Variants in SLC8B1 observed in about 807,000 individuals in gnomAD.
SLC8B1 encodes solute carrier family 8 member B1, also known as mitochondrial sodium/calcium exchanger protein.
SLC8B1 carries 52 observed loss-of-function variants against 63.4 expected under a neutral mutation model. The ratio of observed to expected loss-of-function variants is 0.82; its 90% CI spans 0.66 to 1.03. The LOEUF is 1.03. Among genes scored for constraint, SLC8B1 ranks in the 50% least tolerant of loss-of-function variants. The probability of loss-of-function intolerance (pLI) is 0.00; values close to 1 mark genes in which losing one functional copy is unlikely to be tolerated. For synonymous variants in SLC8B1, 336 were observed against 323.9 expected, an observed-to-expected ratio of 1.04 and a Z score of -0.40; for missense variants, 657 against 741.7, an observed-to-expected ratio of 0.89 and a Z score of 1.33.
intron 13 of SLC8B1, 34 bp downstream of exon 13, chr12:113,307,657 C>T: frequency 6.2e-7 from 1 of 1,601,978 alleles, no homozygotes; most frequent in African/African-American, 1.3e-5. Flanking sequence ...TGGCCGCACT[C>T]ACCCCCACTC....
chr12:113,301,755 A>G (rs1276805944), intron 15 of SLC8B1, among the ~76,000 whole-genome samples: 2 of 152,218 alleles, frequency 1.3e-5, no homozygotes, highest in East Asian at 3.8e-4. Flanking sequence ...ATAGTCTTGT[A>G]TGGTGGGTAC....
In SLC8B1 at chr12:113,304,214, G is replaced by C. The variant is rs1384244563; in HGVS notation, c.1557+107C>G. 6.2e-6 allele frequency: 6 copies of C among 973,422 alleles called. No individual in the cohort carries two copies. The South Asian group carries it at 8.2e-5, about 13-fold the overall frequency. The allele number at this position is 973,422 out of a possible 1,614,324, so 60.3% of individuals were successfully genotyped here. ...TAGCTCACTCAAAGTCATACAGCCA[G>C]GGACTTAAGTGATGGGACCCAGATC... On this transcript the variant is annotated intron_variant, in intron 15 of 15. Transcript: ENST00000680972.
intron 11 of SLC8B1, among the ~76,000 whole-genome samples, chr12:113,314,160 G>A (rs1183128346): frequency 1.3e-5 from 2 of 152,236 alleles, no homozygotes; most frequent in Admixed American, 1.3e-4. Context: ...TGAACCAGAC[G>A]GCCCTAGTGG....
chr12:113,327,203 C>T (rs896299749), intron 2 of SLC8B1, among the ~76,000 whole-genome samples: 6 of 152,120 alleles, frequency 3.9e-5, no homozygotes, highest in Non-Finnish European at 7.4e-5. Flanking sequence ...GGGAAGCAGG[C>T]GGGCTGCCAT....
At chr12:113,312,669 C>T (rs1408904703) in intron 11 of SLC8B1, among the ~76,000 whole-genome samples, 1 of 152,088 alleles carries the variant, frequency 6.6e-6, no homozygotes, top group Non-Finnish European at 1.5e-5. Context: ...CAGTCTTTCC[C>T]CAGGGTGGAC....
chr12:113,320,700 G>A lies in SLC8B1; in HGVS notation c.421-14C>T, dbSNP rs1422291556. ...GAAGGTGACGCCATGTGGGGAGCAT[G>A]TCAAGGCGGGCCAGGATCGCAGCTG... On this transcript the variant is annotated splice_polypyrimidine_tract_variant and intron_variant, in intron 5 of 15. Transcript: ENST00000680972. The surrounding 1 kb of genome is among the most constrained non-coding windows in gnomAD (Gnocchi z 5.3). 1 of 1,611,130 alleles carries A rather than the reference G, an allele frequency of 6.2e-7. No individual in the cohort carries two copies. Among genetic ancestry groups the A allele is most frequent in the Non-Finnish European group, 8.5e-7 (1 of 1,178,772 alleles).
At position 113,320,444 on chromosome 12, in the gene SLC8B1, G is replaced by C; in HGVS notation, c.581C>G (p.Pro194Arg). 3.1e-6 allele frequency: 5 copies of C among 1,614,174 alleles called. No homozygotes were observed. The highest frequency in any genetic ancestry group is 4.2e-6 in the Non-Finnish European group (5 of 1,180,024). The change falls in exon 7 of 16, where the codon CCC (proline) becomes CGC (arginine). Residue 194 changes from proline (P) to arginine (R), a missense_variant. By Grantham distance (103) the Pro-to-Arg change is moderately radical. Coordinates refer to ENST00000680972, the MANE Select transcript of SLC8B1 (RefSeq NM_001358345.2). The surrounding 1 kb of genome is among the most constrained non-coding windows in gnomAD (Gnocchi z 5.3). Reference protein sequence around the residue: ...VVAGGITILHPFMAASRPFFR... With the variant: ...VVAGGITILHRFMAASRPFFR... ...GAAGGGCCTGGAGGCAGCCATGAAG[G>C]GGTGTAGGATGGTAATGCCTCCGGC...
chr12:113,334,932 G>A lies in SLC8B1; in HGVS notation c.-572C>T, dbSNP rs1429986969. 1 of 152,268 alleles carries A rather than the reference G, an allele frequency of 6.6e-6. No individual in the cohort carries two copies. The highest frequency in any genetic ancestry group is 1.5e-5 in the Non-Finnish European group (1 of 68,070). 9.4% of individuals were successfully genotyped at this position (152,268 alleles called of 1,614,324 possible). On this transcript the variant is annotated 5_prime_UTR_variant, in exon 1 of 16. Coordinates refer to ENST00000680972, the MANE Select transcript of SLC8B1 (RefSeq NM_001358345.2). ...TCCGTTTCCCGTCCGGACGGAGGCT[G>A]AGAAGTCGAACTCGGGGCGCCCGGG...
chr12:113,300,305 C>T (rs1956565365), intron 15 of SLC8B1, among the ~76,000 whole-genome samples: 1 of 152,082 alleles, frequency 6.6e-6, no homozygotes. Context: ...TTCGAGACCA[C>T]TGGCCAATAC....
At chr12:113,308,554 TC>T (rs1377017886) in intron 12 of SLC8B1, 1 of 151,078 alleles carries the variant, frequency 6.6e-6, no homozygotes, top group Non-Finnish European at 1.5e-5. Context: ...ACTACTCTGC[TC>T]TCTGTCTCTC....
chr12:113,304,037 C>T (rs555087950), intron 15 of SLC8B1, among the ~76,000 whole-genome samples: 2 of 152,268 alleles, frequency 1.3e-5, no homozygotes, highest in East Asian at 3.9e-4. Flanking sequence ...TGCACCACCA[C>T]ACCTGACTAA....
intron 12 of SLC8B1, 31 bp from the exon 13 acceptor site, chr12:113,307,875 A>C: frequency 1.2e-6 from 2 of 1,604,242 alleles, no homozygotes; most frequent in Non-Finnish European, 8.5e-7. Context: ...TGTGGGACCA[A>C]GGCCAGCCCC....
chr12:113,320,744 G>C lies in SLC8B1; in HGVS notation c.421-58C>G. On this transcript the variant is annotated intron_variant, in intron 5 of 15. Transcript: ENST00000680972. This position sits in a 1 kb window ranked among gnomAD's most constrained non-coding sequence, Gnocchi z 5.3. Reference sequence around the variant, plus strand: ...GCAGCTGCAGCCCACCCAGGCCTTCGACCCTATCCCCCAGCTTCCCCACAC... The same window carrying C: ...GCAGCTGCAGCCCACCCAGGCCTTCCACCCTATCCCCCAGCTTCCCCACAC... 2 of 1,585,418 alleles carry C rather than the reference G, an allele frequency of 1.3e-6. No individual in the cohort carries two copies. Among genetic ancestry groups the C allele is most frequent in the Non-Finnish European group, 1.7e-6 (2 of 1,165,438 alleles).
intron 10 of SLC8B1, 139 bp downstream of exon 10, chr12:113,316,387 C>G (rs1956836039): frequency 1.7e-6 from 2 of 1,171,312 alleles, no homozygotes; most frequent in Admixed American, 4.7e-5. Flanking sequence ...CTCAGTTTCC[C>G]CATCAAATCA....
chr12:113,328,374 C>T (rs1298602435), intron 2 of SLC8B1, among the ~76,000 whole-genome samples: 2 of 152,146 alleles, frequency 1.3e-5, no homozygotes, highest in East Asian at 3.8e-4. Context: ...TCCCTTCCTT[C>T]CATCTCCACC....
intron 13 of SLC8B1, among the ~76,000 whole-genome samples, chr12:113,307,155 C>T (rs922910196): frequency 2.8e-5 from 3 of 106,570 alleles, no homozygotes; most frequent in Admixed American, 1.1e-4. Flanking sequence ...AAAAAAACTA[C>T]GGCTACCAAT....
chr12:113,332,466 C>T (rs1219574830), intron 2 of SLC8B1, among the ~76,000 whole-genome samples: 1 of 152,122 alleles, frequency 6.6e-6, no homozygotes, highest in Non-Finnish European at 1.5e-5. Context: ...GGTTTTGACA[C>T]GATGGCCAGG....
chr12:113,310,405 C>T (rs774967995), intron 11 of SLC8B1, 50 bp from the exon 12 acceptor site: 1 of 1,588,286 alleles, frequency 6.3e-7, no homozygotes, highest in Non-Finnish European at 8.6e-7. Context: ...CCTCAACACC[C>T]ACTTACAATG....
Position 113,299,840 on chromosome 12 carries a change from G to C in SLC8B1, c.1692C>G (p.Tyr564Ter), listed in dbSNP as rs1326360285. The change falls in exon 16 of 16, where the codon TAC becomes TAG. Residue 564 changes from tyrosine to a stop codon, truncating the protein, a stop_gained. Transcript: ENST00000680972. LOFTEE classifies it high-confidence loss of function. ...RVYGFCLLLF[Y>*]LNFLVVALLT... Reference sequence around the variant, plus strand: ...GGAGGGCCACGACAAGGAAGTTCAGGTAGAAGAGGAGCAGGCAGAAGCCAT... The same window carrying C: ...GGAGGGCCACGACAAGGAAGTTCAGCTAGAAGAGGAGCAGGCAGAAGCCAT... 5.6e-6 allele frequency: 9 copies of C among 1,614,260 alleles called. No individual in the cohort carries two copies. Among genetic ancestry groups the C allele is most frequent in the Non-Finnish European group, 6.8e-6 (8 of 1,180,050 alleles).
Sources: allele counts gnomAD v4.1 joint callset (sites outside exome capture counted in the v4.1 genomes callset), GRCh38; gene constraint gnomAD v4.1.1; non-coding constraint Gnocchi (gnomAD v3.1); transcripts MANE v1.5; gene names NCBI Gene and HGNC (gene_info 2026-07-23, HGNC 2026-07-21).